The following DCBLD1 variants were observed in gnomAD, a reference collection of about 807,000 sequenced individuals.
DCBLD1 encodes the protein discoidin, CUB and LCCL domain-containing protein 1.
Under a neutral mutation model 71.5 loss-of-function variants are expected in DCBLD1, and 57 were observed. The observed-to-expected ratio is 0.80, with a 90% CI of 0.64 to 0.99. The LOEUF (loss-of-function observed/expected upper bound fraction) is 0.99. Ranked by LOEUF, DCBLD1 falls within the 50% of genes least tolerant of loss-of-function variation. The pLI is 0.00. For synonymous variants in DCBLD1, 380 were observed against 363.8 expected, an observed-to-expected ratio of 1.04 and a Z score of -0.51; for missense variants, 891 against 923.5, an observed-to-expected ratio of 0.96 and a Z score of 0.46.
At chr6:117,534,857 G>A (rs1173531729) in intron 6 of DCBLD1, among the ~76,000 whole-genome samples, 1 of 151,674 alleles carries the variant, frequency 6.6e-6, no homozygotes, top group Non-Finnish European at 1.5e-5. Flanking sequence ...AATTAGAAAG[G>A]GTTTTGCTTC....
intron 1 of DCBLD1, among the ~76,000 whole-genome samples, chr6:117,488,374 C>T (rs925195685): frequency 3.3e-5 from 5 of 152,136 alleles, no homozygotes; most frequent in South Asian, 2.1e-4. Context: ...CCGGGCAGGG[C>T]GGCTGACTCC....
intron 14 of DCBLD1, among the ~76,000 whole-genome samples, chr6:117,564,717 A>T (rs190838120): frequency 6.6e-6 from 1 of 152,306 alleles, no homozygotes; most frequent in Non-Finnish European, 1.5e-5. Context: ...CAGTTACAAA[A>T]AAAAGGAAGA....
At chr6:117,558,379 A>G (rs1779523152) in intron 14 of DCBLD1, among the ~76,000 whole-genome samples, 1 of 152,064 alleles carries the variant, frequency 6.6e-6, no homozygotes, top group African/African-American at 2.4e-5. Context: ...ACATTTTTCA[A>G]ATGTCTGCAT....
intron 5 of DCBLD1, among the ~76,000 whole-genome samples, chr6:117,527,406 CTT>C (rs1778580053): frequency 6.6e-6 from 1 of 152,104 alleles, no homozygotes; most frequent in South Asian, 2.1e-4. Context: ...TCAGAAGAAT[CTT>C]TGCAAAACCA....
At chr6:117,513,828 T>G (rs1377617612) in intron 2 of DCBLD1, among the ~76,000 whole-genome samples, 1 of 152,192 alleles carries the variant, frequency 6.6e-6, no homozygotes, top group Non-Finnish European at 1.5e-5. Flanking sequence ...GTCACCGCGC[T>G]CTCATGTGGG....
At chr6:117,500,302 T>A (rs181771944) in intron 1 of DCBLD1, among the ~76,000 whole-genome samples, 1 of 152,346 alleles carries the variant, frequency 6.6e-6, no homozygotes, top group Non-Finnish European at 1.5e-5. Context: ...GAACTTCTGA[T>A]GACAGTTCGC....
intron 14 of DCBLD1, 62 bp from the exon 15 acceptor site, chr6:117,547,845 T>G: frequency 6.5e-7 from 1 of 1,549,674 alleles, no homozygotes; most frequent in Non-Finnish European, 8.7e-7. Context: ...TATCCCCGTC[T>G]GCCACTGACA....
intron 2 of DCBLD1, among the ~76,000 whole-genome samples, chr6:117,516,297 C>A (rs1193280506): frequency 6.7e-6 from 1 of 150,216 alleles, no homozygotes; most frequent in Non-Finnish European, 1.5e-5. Flanking sequence ...GGAGATGGAG[C>A]TTGTAGTGAG....
intron 14 of DCBLD1, chr6:117,562,138 A>G (rs2114596106): frequency 4.8e-6 from 1 of 206,474 alleles, no homozygotes; most frequent in Admixed American, 5.9e-5. Context: ...ATGTTTAATC[A>G]TGGGACAACA....
chr6:117,543,900 G>A (rs1779181003), intron 12 of DCBLD1, among the ~76,000 whole-genome samples: 1 of 152,136 alleles, frequency 6.6e-6, no homozygotes, highest in African/African-American at 2.4e-5. Flanking sequence ...GATGAATTCT[G>A]AATCTCTTCC....
intron 2 of DCBLD1, among the ~76,000 whole-genome samples, chr6:117,506,783 C>A (rs900653106): frequency 6.6e-6 from 1 of 152,194 alleles, no homozygotes; most frequent in African/African-American, 2.4e-5. Context: ...GGCCCTAGTG[C>A]CCTTGCAGTG....
At chr6:117,539,404 A>G (rs370086396) in intron 9 of DCBLD1, 25 bp downstream of exon 9, 3 of 1,584,852 alleles carry the variant, frequency 1.9e-6, no homozygotes, top group African/African-American at 1.4e-5. Context: ...TAGAGGCAAG[A>G]GAACTGAGTA....
At chr6:117,495,231 G>A (rs1187906339) in intron 1 of DCBLD1, among the ~76,000 whole-genome samples, 1 of 152,076 alleles carries the variant, frequency 6.6e-6, no homozygotes, top group African/African-American at 2.4e-5. Flanking sequence ...ACCCAGTTAT[G>A]GTTGGTAATT....
chr6:117,569,427 C>A, intron 14 of DCBLD1: 1 of 1,120,454 alleles, frequency 8.9e-7, no homozygotes. Flanking sequence ...GACTGAATGT[C>A]AGCTATAAAA....
intron 14 of DCBLD1, among the ~76,000 whole-genome samples, chr6:117,546,965 G>A (rs1350066628): frequency 6.6e-6 from 1 of 152,144 alleles, no homozygotes; most frequent in East Asian, 1.9e-4. Context: ...CAGCCTCAAA[G>A]AGTCCTTGCC....
At chr6:117,542,137 C>CA (rs1308415884) in intron 11 of DCBLD1, among the ~76,000 whole-genome samples, 1 of 151,724 alleles carries the variant, frequency 6.6e-6, no homozygotes, top group East Asian at 1.9e-4. Flanking sequence ...TAATAAAATA[C>CA]AAAAAATTAG....
In DCBLD1 at chr6:117,538,825, G is replaced by T; in HGVS notation, c.966G>T (p.Lys322Asn). 1 of 1,611,958 alleles carries T rather than the reference G, an allele frequency of 6.2e-7. No homozygotes were observed. The highest frequency in any genetic ancestry group is 8.5e-7 in the Non-Finnish European group (1 of 1,179,106). Residue 322 changes from lysine (K) to asparagine (N), a missense_variant, in exon 8 of 15, where the codon AAG becomes AAT. Transcript: ENST00000338728. ...TGGAGATCGATTTGGGGGAGAAAAAGAAAATAACAGGTGCAGAAAATAACA... is the reference window on the plus strand; with the variant it reads ...TGGAGATCGATTTGGGGGAGAAAAATAAAATAACAGGTGCAGAAAATAACA... ...EWLEIDLGEKKKITGIRTTGS... is the reference protein window; with the variant it reads ...EWLEIDLGEKNKITGIRTTGS...
intron 1 of DCBLD1, chr6:117,503,465 G>A (rs536380708): frequency 3.0e-6 from 1 of 330,546 alleles, no homozygotes; most frequent in Admixed American, 4.6e-5. Flanking sequence ...AGCAAGTTTG[G>A]ACGGGTGGAG....
intron 14 of DCBLD1, among the ~76,000 whole-genome samples, chr6:117,546,942 C>T (rs903686825): frequency 1.3e-5 from 2 of 152,200 alleles, no homozygotes; most frequent in Non-Finnish European, 1.5e-5. Flanking sequence ...AATGGCTTCT[C>T]GACTGCACAT....
Sources: gnomAD v4.1 joint callset for allele counts (sites outside exome capture counted in the v4.1 genomes callset) on GRCh38, gnomAD v4.1.1 for gene constraint, MANE v1.5 for transcripts, NCBI Gene and HGNC (gene_info 2026-07-23, HGNC 2026-07-21) for gene names.